Variants in GRIN3A observed in about 807,000 individuals in gnomAD.
The protein encoded by GRIN3A is glutamate receptor ionotropic, NMDA 3A.
GRIN3A carries 47 observed loss-of-function variants against 92.4 expected under a neutral mutation model. The ratio of observed to expected loss-of-function variants is 0.51; its 90% CI spans 0.40 to 0.65. GRIN3A has a LOEUF of 0.65. Among genes scored for constraint, GRIN3A ranks in the 30% least tolerant of loss-of-function variants. The pLI is 0.00. For missense variants in GRIN3A, 1,324 were observed against 1,393.1 expected (o/e 0.95, Z 0.79); for synonymous variants, 527 against 540.6 (o/e 0.97, Z 0.35).
In GRIN3A at chr9:101,670,313, G is replaced by A; in HGVS notation, c.2099C>T (p.Pro700Leu). 6.2e-7 allele frequency: 1 copy of A among 1,613,998 alleles called. No individual in the cohort carries two copies. The highest frequency in any genetic ancestry group is 8.5e-7 in the Non-Finnish European group (1 of 1,179,950). The change falls in exon 3 of 9, where the codon CCA (proline) becomes CTA (leucine). Residue 700 changes from proline to leucine, a missense_variant. Physicochemically the swap from Pro to Leu is moderately conservative, Grantham distance 98. Transcript: ENST00000361820. ...VFLTLYEWKS[P>L]FGLTPKGRNR... ...TCGCCCCTTGGGAGTCAAACCAAAT[G>A]GACTCTTCCATTCATACAGAGTGAG...
At chr9:101,649,651 G>A (rs1828986366) in intron 3 of GRIN3A, among the ~76,000 whole-genome samples, 1 of 152,068 alleles carries the variant, frequency 6.6e-6, no homozygotes, top group East Asian at 1.9e-4. Context: ...AATTCTGTGG[G>A]CCCAGGGGAT....
chr9:101,626,114 C>T (rs1322578731), intron 4 of GRIN3A, among the ~76,000 whole-genome samples: 1 of 152,140 alleles, frequency 6.6e-6, no homozygotes, highest in Non-Finnish European at 1.5e-5. Flanking sequence ...CAAGTAGCTT[C>T]TAGATTGGCT....
chr9:101,699,762 T>C (rs1005957558), intron 1 of GRIN3A, among the ~76,000 whole-genome samples: 5 of 152,152 alleles, frequency 3.3e-5, no homozygotes, highest in African/African-American at 9.7e-5. Flanking sequence ...AGAACAACAG[T>C]GGTGTTTCTT....
chr9:101,729,177 C>A (rs112019308), intron 1 of GRIN3A, among the ~76,000 whole-genome samples: 12 of 152,262 alleles, frequency 7.9e-5, no homozygotes, highest in African/African-American at 2.4e-4. Context: ...TGGGCCAGAT[C>A]CCTTTCTATC....
chr9:101,617,205 TAAA>T (rs61141843), intron 5 of GRIN3A, among the ~76,000 whole-genome samples: 25 of 107,156 alleles, frequency 2.3e-4, no homozygotes, highest in Non-Finnish European at 3.6e-4. Context: ...AGACTCCGTC[TAAA>T]AAAAAAAAAA....
chr9:101,709,735 G>A (rs1057368364), intron 1 of GRIN3A, among the ~76,000 whole-genome samples: 1 of 152,152 alleles, frequency 6.6e-6, no homozygotes, highest in African/African-American at 2.4e-5. Flanking sequence ...TTTGCAAATT[G>A]TAAAATGCAT....
At chr9:101,587,916 T>TTTTA (rs537190845) in intron 6 of GRIN3A, among the ~76,000 whole-genome samples, 397 of 152,144 alleles carry the variant, frequency 2.6e-3, no homozygotes, top group African/African-American at 5.7e-3. Flanking sequence ...CTGGTATCTA[T>TTTTA]TTTATTTATT....
chr9:101,704,578 G>GT (rs1829790705), intron 1 of GRIN3A, among the ~76,000 whole-genome samples: 1 of 152,156 alleles, frequency 6.6e-6, no homozygotes, highest in African/African-American at 2.4e-5. Context: ...GATATGAGGT[G>GT]TAATACTCTC....
At chr9:101,599,380 A>G (rs1053147657) in intron 6 of GRIN3A, among the ~76,000 whole-genome samples, 4 of 152,176 alleles carry the variant, frequency 2.6e-5, no homozygotes, top group African/African-American at 9.7e-5. Flanking sequence ...CTAGATCTGG[A>G]GTTTTAGTCA....
At chr9:101,613,037 G>A (rs117168901) in intron 6 of GRIN3A, among the ~76,000 whole-genome samples, 1,700 of 152,256 alleles carry the variant, frequency 0.011, 25 homozygotes, top group Non-Finnish European at 0.013. Context: ...ATCAATTAAC[G>A]ATTAAATCAA....
intron 3 of GRIN3A, among the ~76,000 whole-genome samples, chr9:101,666,340 C>T (rs1208106966): frequency 1.3e-5 from 2 of 151,936 alleles, no homozygotes; most frequent in Non-Finnish European, 1.5e-5. Context: ...TTTAAAAATG[C>T]CACGTATGCT....
At position 101,670,946 on chromosome 9, in the gene GRIN3A, A is replaced by G. The variant is rs1413055524; in HGVS notation, c.1466T>C (p.Ile489Thr). The G allele has an allele frequency of 3.1e-6, 5 of 1,613,894 alleles. No individual in the cohort carries two copies. The African/African-American group carries it at 5.3e-5, about 17-fold the overall frequency. ...TRLGSWQGGKIVMDYGIWPEQ... is the reference protein window; with the variant it reads ...TRLGSWQGGKTVMDYGIWPEQ... ...TGGCCATATTCCATAGTCCATGACA[A>G]TCTTTCCCCCCTGCCAGCTGCCCAA... The change falls in exon 3 of 9, where the codon ATT becomes ACT. Residue 489 changes from isoleucine (I) to threonine (T), a missense_variant. Coordinates refer to ENST00000361820, the MANE Select transcript of GRIN3A (RefSeq NM_133445.3).
intron 3 of GRIN3A, among the ~76,000 whole-genome samples, chr9:101,630,780 T>C (rs575342560): frequency 1.3e-3 from 201 of 152,342 alleles, no homozygotes; most frequent in Middle Eastern, 3.4e-3. Context: ...CACCAACTTC[T>C]CACAACTAGG....
At chr9:101,653,639 G>T (rs1829041557) in intron 3 of GRIN3A, among the ~76,000 whole-genome samples, 1 of 151,748 alleles carries the variant, frequency 6.6e-6, no homozygotes, top group African/African-American at 2.4e-5. Context: ...ATTTTTTCCT[G>T]TATCTGAGAA....
At chr9:101,639,009 C>T (rs1828818813) in intron 3 of GRIN3A, among the ~76,000 whole-genome samples, 1 of 152,218 alleles carries the variant, frequency 6.6e-6, no homozygotes, top group Admixed American at 6.5e-5. Flanking sequence ...TTCGTCATCT[C>T]ATTTCAGCCT....
At chr9:101,578,577 T>C (rs1449584278) in intron 7 of GRIN3A, among the ~76,000 whole-genome samples, 1 of 152,216 alleles carries the variant, frequency 6.6e-6, no homozygotes, top group Non-Finnish European at 1.5e-5. Flanking sequence ...TCCATCATTA[T>C]GAAGCCTTCT....
chr9:101,675,795 T>A lies in GRIN3A; in HGVS notation c.1305-4688A>T, dbSNP rs565962568. ...ACTGTCATTTTGGGTAAATATTCTATGTGCTAATCAAAATGGGTGTACATT... is the reference window on the plus strand; with the variant it reads ...ACTGTCATTTTGGGTAAATATTCTAAGTGCTAATCAAAATGGGTGTACATT... On this transcript the variant is annotated intron_variant, in intron 2 of 8. Coordinates refer to ENST00000361820, the MANE Select transcript of GRIN3A (RefSeq NM_133445.3). Among the ~76,000 whole-genome samples, 267 of 152,120 alleles carry A rather than the reference T, an allele frequency of 1.8e-3. 1 individual carries two copies. Among genetic ancestry groups the A allele is most frequent in the African/African-American group, 6.3e-3 (263 of 41,574 alleles).
At chr9:101,653,968 T>C (rs1039826801) in intron 3 of GRIN3A, among the ~76,000 whole-genome samples, 4 of 151,832 alleles carry the variant, frequency 2.6e-5, no homozygotes, top group African/African-American at 9.7e-5. Flanking sequence ...CTGACTTGTG[T>C]GGTTAGGAGC....
chr9:101,734,836 C>T (rs940297525), intron 1 of GRIN3A, among the ~76,000 whole-genome samples: 3 of 151,918 alleles, frequency 2.0e-5, no homozygotes, highest in East Asian at 1.9e-4. Context: ...ACTTTCTTCT[C>T]GAATCCTTTA....
Sources: allele counts gnomAD v4.1 joint callset (sites outside exome capture counted in the v4.1 genomes callset), GRCh38; gene constraint gnomAD v4.1.1; transcripts MANE v1.5; gene names NCBI Gene and HGNC (gene_info 2026-07-23, HGNC 2026-07-21).